Variants in ARHGEF3 observed in about 807,000 individuals in gnomAD.
ARHGEF3 encodes Rho guanine nucleotide exchange factor 3, also known as 59.8 kDA protein.
ARHGEF3 carries 28 observed loss-of-function variants against 63.2 expected under a neutral mutation model. The observed-to-expected ratio is 0.44, with a 90% CI of 0.33 to 0.61. The LOEUF (loss-of-function observed/expected upper bound fraction) is 0.61, where lower values mean the gene tolerates loss of function less well. ARHGEF3 is among the 20% of genes least tolerant of loss of function. The pLI is 0.03. For synonymous variants in ARHGEF3, 266 were observed against 254.2 expected, an observed-to-expected ratio of 1.05 and a Z score of -0.44; for missense variants, 533 against 659.3, an observed-to-expected ratio of 0.81 and a Z score of 2.10.
intron 4 of ARHGEF3, among the ~76,000 whole-genome samples, chr3:56,835,899 C>T (rs886604223): frequency 1.3e-5 from 2 of 152,128 alleles, no homozygotes; most frequent in African/African-American, 4.8e-5. Flanking sequence ...ACAGACTTCC[C>T]GTGGAAAAAG....
intron 4 of ARHGEF3, among the ~76,000 whole-genome samples, chr3:56,809,002 T>C (rs958559811): frequency 6.6e-6 from 1 of 152,220 alleles, no homozygotes; most frequent in African/African-American, 2.4e-5. Context: ...AGGGAATCTG[T>C]GGGTATTGAC....
At chr3:56,912,354 T>C (rs6808919) in intron 3 of ARHGEF3, among the ~76,000 whole-genome samples, 142,105 of 152,252 alleles carry the variant, frequency 0.93, 66,702 homozygotes, top group Non-Finnish European at 0.99. Flanking sequence ...TACCAAATCA[T>C]TGGAAAGCAA....
intron 4 of ARHGEF3, among the ~76,000 whole-genome samples, chr3:56,848,719 C>A (rs1002484360): frequency 6.6e-6 from 1 of 152,134 alleles, no homozygotes; most frequent in Non-Finnish European, 1.5e-5. Flanking sequence ...CAGGCTAGAG[C>A]GCAATGGTGT....
At position 56,775,794 on chromosome 3, in the gene ARHGEF3, G is replaced by A. The variant is rs555383198; in HGVS notation, c.97-1978C>T. Reference sequence around the variant, plus strand: ...GTACTGAATACACACACACACACACGCGCAAGCACACACACACACACACAC... The same window carrying A: ...GTACTGAATACACACACACACACACACGCAAGCACACACACACACACACAC... On this transcript the variant is annotated intron_variant, in intron 1 of 9. Coordinates refer to ENST00000296315, the MANE Select transcript of ARHGEF3 (RefSeq NM_019555.3). The A allele has an allele frequency of 2.5e-3, 812 of 320,494 alleles. 13 individuals carry two copies. In the East Asian group the frequency reaches 0.087, roughly 34 times the overall value. 19.9% of individuals were successfully genotyped at this position (320,494 alleles called of 1,614,324 possible).
At chr3:56,789,085 A>G (rs933904747) in intron 1 of ARHGEF3, among the ~76,000 whole-genome samples, 14 of 151,392 alleles carry the variant, frequency 9.2e-5, no homozygotes, top group African/African-American at 3.4e-4. Context: ...CCTATTAAGT[A>G]CTTGTTTGGT....
intron 6 of ARHGEF3, among the ~76,000 whole-genome samples, chr3:56,747,554 T>G (rs1031361755): frequency 6.6e-6 from 1 of 152,206 alleles, no homozygotes; most frequent in African/African-American, 2.4e-5. Flanking sequence ...TTAAAGAGAC[T>G]AGGCCGGGTG....
intron 3 of ARHGEF3, among the ~76,000 whole-genome samples, chr3:56,917,986 G>T (rs2042029216): frequency 6.6e-6 from 1 of 152,208 alleles, no homozygotes; most frequent in African/African-American, 2.4e-5. Context: ...TGAGAGGTGG[G>T]TTTCAGATTG....
intron 2 of ARHGEF3, among the ~76,000 whole-genome samples, chr3:57,000,341 C>CACACACA (rs1333579730): frequency 1.3e-5 from 2 of 150,918 alleles, no homozygotes; most frequent in African/African-American, 4.9e-5. Flanking sequence ...CACACACACA[C>CACACACA]ACCTTAAGCA....
At chr3:57,039,258 C>CAGAA (rs1433384464) in intron 1 of ARHGEF3, among the ~76,000 whole-genome samples, 9 of 152,202 alleles carry the variant, frequency 5.9e-5, no homozygotes, top group African/African-American at 1.9e-4. Flanking sequence ...GTCCATTGGA[C>CAGAA]AGAAGGTCCT....
chr3:57,062,907 T>A (rs937850731), intron 1 of ARHGEF3, among the ~76,000 whole-genome samples: 12 of 152,146 alleles, frequency 7.9e-5, no homozygotes, highest in Middle Eastern at 3.2e-3. Context: ...GGGAACACAA[T>A]AGAAGAAAAA....
intron 3 of ARHGEF3, among the ~76,000 whole-genome samples, chr3:56,901,299 G>A (rs1378081569): frequency 6.6e-6 from 1 of 152,104 alleles, no homozygotes; most frequent in Non-Finnish European, 1.5e-5. Context: ...ACTGACAAAT[G>A]AGAGTGAATC....
chr3:56,876,489 AGGGAAG>A (rs2040589141), intron 4 of ARHGEF3, among the ~76,000 whole-genome samples: 1 of 152,078 alleles, frequency 6.6e-6, no homozygotes, highest in Non-Finnish European at 1.5e-5. Context: ...TTAGGAAGAG[AGGGAAG>A]GGGTGAGATT....
At chr3:56,802,117 G>A, upstream of ARHGEF3, 1 of 830,386 alleles carries the variant, frequency 1.2e-6, no homozygotes, top group Non-Finnish European at 1.6e-6. Flanking sequence ...CGGGTGGAGA[G>A]GGACCTCTCT....
At chr3:56,749,093 T>C (rs1390745677) in intron 6 of ARHGEF3, among the ~76,000 whole-genome samples, 5 of 152,184 alleles carry the variant, frequency 3.3e-5, no homozygotes, top group African/African-American at 1.2e-4. Context: ...CATCTGCAGT[T>C]AAAAGAGGAA....
At chr3:56,946,648 T>G (rs982259410) in intron 3 of ARHGEF3, among the ~76,000 whole-genome samples, 1 of 152,198 alleles carries the variant, frequency 6.6e-6, no homozygotes, top group African/African-American at 2.4e-5. Context: ...ATTCTACGTC[T>G]GGTTGGTGTA....
chr3:56,750,612 G>A (rs1578409322), intron 6 of ARHGEF3, among the ~76,000 whole-genome samples: 1 of 141,434 alleles, frequency 7.1e-6, no homozygotes, highest in South Asian at 2.2e-4. Context: ...CTTTACTTAT[G>A]ATCTTGTTTA....
intron 2 of ARHGEF3, among the ~76,000 whole-genome samples, chr3:56,998,941 C>A (rs1259524370): frequency 6.6e-6 from 1 of 152,198 alleles, no homozygotes; most frequent in East Asian, 1.9e-4. Flanking sequence ...CCCCATTGAA[C>A]TTTATTATTA....
chr3:56,986,295 C>T (rs1376713497), intron 2 of ARHGEF3, among the ~76,000 whole-genome samples: 2 of 152,212 alleles, frequency 1.3e-5, no homozygotes, highest in Non-Finnish European at 2.9e-5. Flanking sequence ...TTCTCAGTTG[C>T]TTAAAAAGGC....
chr3:56,843,304 G>A (rs1486042816), intron 4 of ARHGEF3, among the ~76,000 whole-genome samples: 1 of 152,110 alleles, frequency 6.6e-6, no homozygotes, highest in Non-Finnish European at 1.5e-5. Context: ...CTGTCTCCCA[G>A]GCTAGAGTAC....
Sources: gnomAD v4.1 joint callset for allele counts (sites outside exome capture counted in the v4.1 genomes callset) on GRCh38, gnomAD v4.1.1 for gene constraint, MANE v1.5 for transcripts, NCBI Gene and HGNC (gene_info 2026-07-23, HGNC 2026-07-21) for gene names.